The following SAE1 variants were observed in gnomAD, a reference collection of about 807,000 sequenced individuals.
SAE1 encodes the protein SUMO-activating enzyme subunit 1.
In SAE1, 11 loss-of-function variants were observed where a neutral mutation model predicts 40.6. The observed-to-expected ratio is 0.27, with a 90% CI of 0.17 to 0.45. The LOEUF is 0.45. SAE1 is among the 20% of genes least tolerant of loss of function. The pLI is 1.00. For missense variants in SAE1, 373 were observed against 427.3 expected, an observed-to-expected ratio of 0.87 and a Z score of 1.12; for synonymous variants, 155 against 154.3, an observed-to-expected ratio of 1.00 and a Z score of -0.03.
intron 5 of SAE1, among the ~76,000 whole-genome samples, chr19:47,165,076 CTTTTTTTTTTTT>C (rs769656956): frequency 1.0e-4 from 6 of 59,074 alleles, no homozygotes; most frequent in African/African-American, 1.5e-4. Context: ...TGAGCCAAGT[CTTTTTTTTTTTT>C]TTTTTTTTTT....
intron 2 of SAE1, among the ~76,000 whole-genome samples, chr19:47,149,080 C>T (rs545396506): frequency 5.1e-4 from 78 of 151,512 alleles, no homozygotes; most frequent in African/African-American, 1.8e-3. Context: ...AGCTCCTGGC[C>T]TCAAGCAGTG....
At chr19:47,204,307 C>T (rs1184577656) in intron 8 of SAE1, among the ~76,000 whole-genome samples, 1 of 149,574 alleles carries the variant, frequency 6.7e-6, no homozygotes, top group African/African-American at 2.5e-5. Flanking sequence ...ACGCCATTCT[C>T]CTACCTTAGC....
At chr19:47,176,891 G>A (rs2058472051) in intron 6 of SAE1, among the ~76,000 whole-genome samples, 2 of 152,134 alleles carry the variant, frequency 1.3e-5, no homozygotes, top group Non-Finnish European at 2.9e-5. Flanking sequence ...CTGGTTTCCT[G>A]TGGCAAAAAA....
chr19:47,164,100 G>C (rs980688158), intron 5 of SAE1, among the ~76,000 whole-genome samples: 1 of 152,054 alleles, frequency 6.6e-6, no homozygotes, highest in Admixed American at 6.6e-5. Context: ...ACATGGTTTT[G>C]TCTTTTGCTT....
chr19:47,192,353 C>T (rs181545840), intron 6 of SAE1, among the ~76,000 whole-genome samples: 374 of 151,892 alleles, frequency 2.5e-3, no homozygotes, highest in Non-Finnish European at 4.3e-3. Flanking sequence ...TGGGTTTGAG[C>T]GACTCCTGCC....
chr19:47,164,405 G>C (rs1245384953), intron 5 of SAE1, among the ~76,000 whole-genome samples: 3 of 152,048 alleles, frequency 2.0e-5, no homozygotes, highest in Admixed American at 2.0e-4. Flanking sequence ...CTGACCTCGT[G>C]ATCCGCCCGC....
At position 47,132,495 on chromosome 19, in the gene SAE1, C is replaced by T. The variant is rs567164190; in HGVS notation, c.98+1467C>T. The stretch of plus-strand genomic sequence containing the variant: ...CTGGTCTTGAACTCCCAAGCTCAAG[C>T]GATCCTCGGCCTCAAGAGATCTCCC... On this transcript the variant is annotated intron_variant, in intron 1 of 8. Transcript: ENST00000270225. Among the ~76,000 whole-genome samples, 15 of 150,244 alleles carry T rather than the reference C, an allele frequency of 1.0e-4. No homozygotes were observed. In the South Asian group the frequency reaches 3.0e-3, roughly 30 times the overall value.
intron 5 of SAE1, among the ~76,000 whole-genome samples, chr19:47,156,292 A>G (rs2058324242): frequency 6.6e-6 from 1 of 151,416 alleles, no homozygotes. Flanking sequence ...AGCAAAACAA[A>G]AAATTTTTTG....
At chr19:47,137,112 C>T (rs1288677269) in intron 1 of SAE1, among the ~76,000 whole-genome samples, 1 of 151,978 alleles carries the variant, frequency 6.6e-6, no homozygotes, top group African/African-American at 2.4e-5. Flanking sequence ...GAGTAAAGGC[C>T]GTCACAGTGA....
intron 6 of SAE1, among the ~76,000 whole-genome samples, chr19:47,193,845 GAAAAGAAAA>G (rs1187637501): frequency 9.0e-6 from 1 of 111,098 alleles, no homozygotes; most frequent in Non-Finnish European, 2.0e-5. Flanking sequence ...AAAAAAGAAA[GAAAAGAAAA>G]AGAAAAAGAA....
intron 5 of SAE1, among the ~76,000 whole-genome samples, chr19:47,160,637 C>T (rs1233327111): frequency 2.0e-5 from 3 of 152,016 alleles, no homozygotes; most frequent in African/African-American, 2.4e-5. Context: ...CCTCGTGATC[C>T]GCCCACCTCG....
At chr19:47,135,149 T>A (rs887037659) in intron 1 of SAE1, among the ~76,000 whole-genome samples, 2 of 152,190 alleles carry the variant, frequency 1.3e-5, no homozygotes, top group African/African-American at 4.8e-5. Flanking sequence ...ATCCACCACC[T>A]TAAGCACTTA....
chr19:47,197,130 A>C, intron 6 of SAE1, 103 bp from the exon 7 acceptor site: 1 of 1,217,482 alleles, frequency 8.2e-7, no homozygotes, highest in Non-Finnish European at 1.1e-6. Context: ...GCAGTGAGCC[A>C]AGATTGTGCC....
intron 2 of SAE1, among the ~76,000 whole-genome samples, chr19:47,147,072 G>A (rs551593292): frequency 6.6e-6 from 1 of 152,226 alleles, no homozygotes; most frequent in Admixed American, 6.6e-5. Context: ...TGAGATGGAA[G>A]CTTGGGGACA....
rs2058631732 is a variant in SAE1 at position 47,198,581 on chromosome 19, T to C, written c.878+1204T>C. Among the ~76,000 whole-genome samples, 4 of 152,242 alleles carry C rather than the reference T, an allele frequency of 2.6e-5. No homozygotes were observed. In the South Asian group the frequency reaches 8.3e-4, roughly 32 times the overall value. The stretch of plus-strand genomic sequence containing the variant: ...TATGTACTAGGCATCAGGTAGTAAG[T>C]AGCCAACCCAGATCCCACCCCAGGT... On this transcript the variant is annotated intron_variant, in intron 7 of 8. Transcript: ENST00000270225.
intron 5 of SAE1, among the ~76,000 whole-genome samples, chr19:47,164,467 T>C (rs964449103): frequency 7.3e-5 from 11 of 151,636 alleles, no homozygotes; most frequent in Non-Finnish European, 1.5e-4. Flanking sequence ...ACGTCTGGCC[T>C]GGAGCGCGTG....
Position 47,209,628 on chromosome 19 carries a change from C to G in SAE1, c.*377C>G. On this transcript the variant is annotated 3_prime_UTR_variant, in exon 9 of 9. Transcript: ENST00000270225. ...TGCCAGGAATGAGCAAGCTCTGTTGCTCGGGAGCCTCTTGTCACCTTCTTG... is the reference window on the plus strand; with the variant it reads ...TGCCAGGAATGAGCAAGCTCTGTTGGTCGGGAGCCTCTTGTCACCTTCTTG... The G allele has an allele frequency of 7.1e-6, 2 of 282,684 alleles. No individual in the cohort carries two copies. The highest frequency in any genetic ancestry group is 1.3e-5 in the Non-Finnish European group (2 of 151,302). The allele number at this position is 282,684 out of a possible 1,614,324, so 17.5% of individuals were successfully genotyped here.
At chr19:47,180,159 A>G (rs1295015336) in intron 6 of SAE1, 1 of 456,020 alleles carries the variant, frequency 2.2e-6, no homozygotes, top group Non-Finnish European at 4.4e-6. Flanking sequence ...TGTTTCCTAG[A>G]ATTGTTGAGA....
chr19:47,159,314 A>G (rs750343046), intron 5 of SAE1, among the ~76,000 whole-genome samples: 1 of 152,144 alleles, frequency 6.6e-6, no homozygotes, highest in Non-Finnish European at 1.5e-5. Context: ...CATTAAAGAA[A>G]CAGTCGAGTT....
Sources: gnomAD v4.1 joint callset for allele counts (sites outside exome capture counted in the v4.1 genomes callset) on GRCh38, gnomAD v4.1.1 for gene constraint, MANE v1.5 for transcripts, NCBI Gene and HGNC (gene_info 2026-07-23, HGNC 2026-07-21) for gene names.